Variants in ATE1 observed in about 807,000 individuals in gnomAD.
ATE1 encodes the protein arginyltransferase 1.
A neutral mutation model predicts 70.5 loss-of-function variants in ATE1; 36 were observed. The ratio of observed to expected loss-of-function variants is 0.51; its 90% confidence interval spans 0.39 to 0.67. The LOEUF is 0.67. ATE1 is among the 30% of genes least tolerant of loss of function. The probability of loss-of-function intolerance (pLI) is 0.00; values close to 1 mark genes in which losing one functional copy is unlikely to be tolerated. For synonymous variants in ATE1, 232 were observed against 219.3 expected, an observed-to-expected ratio of 1.06 and a Z score of -0.51; for missense variants, 593 against 629.5, an observed-to-expected ratio of 0.94 and a Z score of 0.62.
chr10:121,835,786 G>A (rs1399991841), intron 10 of ATE1, among the ~76,000 whole-genome samples: 1 of 152,154 alleles, frequency 6.6e-6, no homozygotes, highest in African/African-American at 2.4e-5. Context: ...ATTCAAGAGA[G>A]GGTGGAGGTG....
chr10:121,806,037 T>C (rs1055274095), intron 10 of ATE1, among the ~76,000 whole-genome samples: 4 of 152,132 alleles, frequency 2.6e-5, no homozygotes, highest in Admixed American at 2.6e-4. Context: ...CCCGCAAAAG[T>C]GAGTAAACTT....
chr10:121,850,855 G>T (rs1949024788), intron 8 of ATE1, among the ~76,000 whole-genome samples: 1 of 152,022 alleles, frequency 6.6e-6, no homozygotes, highest in South Asian at 2.1e-4. Context: ...ACTTTGGGAG[G>T]CCAAGGTGGG....
intron 11 of ATE1, among the ~76,000 whole-genome samples, chr10:121,774,870 A>C (rs1024294674): frequency 2.0e-5 from 3 of 152,190 alleles, no homozygotes; most frequent in African/African-American, 7.2e-5. Flanking sequence ...AAAAGAAATG[A>C]ATTAATTTGA....
rs534184833 is a variant in ATE1, at chr10:121,853,131, G to A, written c.976-11868C>T. Among the ~76,000 whole-genome samples the A allele has an allele frequency of 7.2e-5, 11 of 152,226 alleles. No homozygotes were observed. In the East Asian group the frequency reaches 1.7e-3, roughly 24 times the overall value. ...CGGTGGCCCAGCACTTTGGGAGGCC[G>A]AGGTGGGCCGATCACGAGGTCAGGA... On this transcript the variant is annotated intron_variant, in intron 8 of 11. Transcript: ENST00000224652.
chr10:121,913,696 C>A, intron 4 of ATE1, 94 bp downstream of exon 4: 1 of 792,338 alleles, frequency 1.3e-6, no homozygotes. Context: ...CAGTACATGA[C>A]TGTATTAATG....
intron 7 of ATE1, among the ~76,000 whole-genome samples, chr10:121,890,817 T>G (rs564504049): frequency 1.2e-3 from 181 of 152,344 alleles, no homozygotes; most frequent in African/African-American, 4.3e-3. Context: ...TATACTGTAT[T>G]ATAAACGAGA....
At chr10:121,849,863 G>T (rs1055163351) in intron 8 of ATE1, among the ~76,000 whole-genome samples, 5 of 149,650 alleles carry the variant, frequency 3.3e-5, no homozygotes, top group African/African-American at 1.2e-4. Flanking sequence ...AAGAAATTCA[G>T]GAAAAAAAAA....
chr10:121,850,458 T>C (rs1208569612), intron 8 of ATE1, among the ~76,000 whole-genome samples: 2 of 152,224 alleles, frequency 1.3e-5, no homozygotes, highest in Non-Finnish European at 2.9e-5. Flanking sequence ...CCATTCTCTA[T>C]TTACTGCCTT....
intron 3 of ATE1, among the ~76,000 whole-genome samples, chr10:121,919,998 CAAGTT>C (rs962685174): frequency 2.0e-5 from 3 of 152,004 alleles, no homozygotes; most frequent in African/African-American, 4.8e-5. Context: ...AACCCAAAAA[CAAGTT>C]AAGAGCAACC....
intron 11 of ATE1, among the ~76,000 whole-genome samples, chr10:121,753,384 T>C (rs1944666123): frequency 6.6e-6 from 1 of 152,230 alleles, no homozygotes; most frequent in Non-Finnish European, 1.5e-5. Context: ...ACTCATGATA[T>C]GTTGATTAAA....
At chr10:121,844,246 G>C (rs1350135326) in intron 8 of ATE1, among the ~76,000 whole-genome samples, 1 of 152,182 alleles carries the variant, frequency 6.6e-6, no homozygotes, top group African/African-American at 2.4e-5. Context: ...GCCTATGCAA[G>C]ACCCTGTCTT....
chr10:121,771,674 GC>G (rs1945523513), intron 11 of ATE1, among the ~76,000 whole-genome samples: 1 of 152,128 alleles, frequency 6.6e-6, no homozygotes, highest in African/African-American at 2.4e-5. Context: ...GTTATTTTAT[GC>G]AAACAAATTA....
chr10:121,928,432 G>T (rs781490667), upstream of ATE1: 21 of 1,520,462 alleles, frequency 1.4e-5, no homozygotes, highest in South Asian at 1.5e-4. Context: ...CCGACGCCAT[G>T]GCCGCCGCGA....
chr10:121,871,305 A>G (rs1180202126), intron 7 of ATE1, among the ~76,000 whole-genome samples: 1 of 152,114 alleles, frequency 6.6e-6, no homozygotes, highest in Non-Finnish European at 1.5e-5. Context: ...ATAAAAATAC[A>G]AAAATTAGCT....
chr10:121,826,430 C>T (rs1436040393), intron 10 of ATE1, among the ~76,000 whole-genome samples: 2 of 152,088 alleles, frequency 1.3e-5, no homozygotes, highest in Non-Finnish European at 2.9e-5. Context: ...CTCAGCCTCC[C>T]AAGTAGCTGG....
chr10:121,775,325 G>A (rs1340087842), intron 11 of ATE1, among the ~76,000 whole-genome samples: 3 of 151,986 alleles, frequency 2.0e-5, no homozygotes, highest in Non-Finnish European at 4.4e-5. Flanking sequence ...GAGAGTGGGG[G>A]GCAAGGGGAG....
intron 7 of ATE1, among the ~76,000 whole-genome samples, chr10:121,892,499 CTTTT>C (rs34400277): frequency 6.4e-5 from 8 of 125,568 alleles, no homozygotes; most frequent in South Asian, 2.7e-4. Flanking sequence ...GGTGACAAAA[CTTTT>C]TTTTTTTTTT....
At chr10:121,909,626 A>G (rs761011321) in intron 5 of ATE1, among the ~76,000 whole-genome samples, 37 of 152,198 alleles carry the variant, frequency 2.4e-4, no homozygotes, top group Non-Finnish European at 4.6e-4. Flanking sequence ...ATCTATGTTC[A>G]TCTATGTTTG....
chr10:121,877,831 T>A (rs1192088733), intron 7 of ATE1, among the ~76,000 whole-genome samples: 3 of 152,176 alleles, frequency 2.0e-5, no homozygotes, highest in Non-Finnish European at 4.4e-5. Flanking sequence ...CTGGCCACAT[T>A]TCTATAAATG....
Sources: allele counts gnomAD v4.1 joint callset (sites outside exome capture counted in the v4.1 genomes callset), GRCh38; gene constraint gnomAD v4.1.1; transcripts MANE v1.5; gene names NCBI Gene and HGNC (gene_info 2026-07-23, HGNC 2026-07-21).